Variants in CEP250 observed in about 807,000 individuals in gnomAD.
CEP250 encodes the protein centrosome-associated protein CEP250.
In CEP250, 242 loss-of-function variants were observed where a neutral mutation model predicts 315.7. That is an observed-to-expected ratio of 0.77 (90% CI 0.69 to 0.85). CEP250 has a LOEUF of 0.85. CEP250 is among the 40% of genes least tolerant of loss of function. The pLI is 0.00. For synonymous variants in CEP250, 1,088 were observed against 1,175.0 expected, an observed-to-expected ratio of 0.93 and a Z score of 1.51; for missense variants, 2,515 against 2,886.4, an observed-to-expected ratio of 0.87 and a Z score of 2.95.
rs1322585176 is a variant in CEP250, at chr20:35,507,741, G to A, written c.6640G>A (p.Glu2214Lys). The A allele has an allele frequency of 6.4e-7, 1 of 1,552,946 alleles. No homozygotes were observed. The highest frequency in any genetic ancestry group is 8.7e-7 in the Non-Finnish European group (1 of 1,147,644). The change falls in exon 31 of 35, where the codon GAA becomes AAA. Residue 2214 changes from glutamate to lysine, a missense_variant. By Grantham distance (56) the Glu-to-Lys change is moderately conservative. Coordinates refer to ENST00000397527, the MANE Select transcript of CEP250 (RefSeq NM_007186.6). The part of the protein sequence containing the change: ...RDSEQQRLQD[E>K]LELTRRALEK... ...GCTCCATACCTCCGTACCCTAGGAT[G>A]AACTGGAGCTCACCAGACGGGCTCT...
Position 35,465,831 on chromosome 20 carries a change from G to A in CEP250, c.326+6G>A. On this transcript the variant is annotated splice_donor_region_variant and intron_variant, in intron 6 of 34. Coordinates refer to ENST00000397527, the MANE Select transcript of CEP250 (RefSeq NM_007186.6). The stretch of plus-strand genomic sequence containing the variant: ...TTGGAGGAGGAGCAACAGAGGTGAT[G>A]GACCCCAAACTTTCTGACCTGGGTG... 2.5e-6 allele frequency: 4 copies of A among 1,603,546 alleles called. No homozygotes were observed. The highest frequency in any genetic ancestry group is 1.9e-4 in the Middle Eastern group (1 of 5,400).
intron 2 of CEP250, among the ~76,000 whole-genome samples, chr20:35,458,962 A>G (rs1031316174): frequency 3.0e-5 from 4 of 133,022 alleles, no homozygotes; most frequent in African/African-American, 1.2e-4. Context: ...GCTATAATGC[A>G]AATCTTTTTT....
chr20:35,503,055 G>A lies in CEP250; in HGVS notation c.4686G>A (p.Leu1562=). ...LVTLECLALE[L]EENHHKMECQ... ...CTCTGGAATGCCTGGCCCTGGAACTGGAGGAAAACCATCACAAGATGGAGT... is the reference window on the plus strand; with the variant it reads ...CTCTGGAATGCCTGGCCCTGGAACTAGAGGAAAACCATCACAAGATGGAGT... The change falls in exon 30 of 35, where the codon CTG becomes CTA. Residue 1562 remains leucine, a synonymous_variant. Coordinates refer to ENST00000397527, the MANE Select transcript of CEP250 (RefSeq NM_007186.6). This position sits in a 1 kb window ranked among gnomAD's most constrained non-coding sequence, Gnocchi z 4.2. The A allele has an allele frequency of 6.2e-7, 1 of 1,614,180 alleles. No individual in the cohort carries two copies. Among genetic ancestry groups the A allele is most frequent in the Non-Finnish European group, 8.5e-7 (1 of 1,180,046 alleles).
chr20:35,478,430 T>C (rs1161411386), intron 17 of CEP250, among the ~76,000 whole-genome samples: 1 of 152,094 alleles, frequency 6.6e-6, no homozygotes, highest in Non-Finnish European at 1.5e-5. Context: ...CCCGGCATGG[T>C]GGCACATGCC....
At chr20:35,479,878 CCT>C (rs1420006697) in intron 19 of CEP250, 96 bp from the exon 20 acceptor site, 19 of 1,594,404 alleles carry the variant, frequency 1.2e-5, no homozygotes, top group Non-Finnish European at 1.5e-5. Context: ...GGGTGCAGGG[CCT>C]CTGAGATGGG....
Position 35,467,458 on chromosome 20 carries a change from A to G in CEP250, c.754A>G (p.Lys252Glu). The G allele has an allele frequency of 6.2e-7, 1 of 1,614,176 alleles. No individual in the cohort carries two copies. Among genetic ancestry groups the G allele is most frequent in the Non-Finnish European group, 8.5e-7 (1 of 1,180,022 alleles). ...EPAQLLLLLA[K>E]TQELEKEAHE... is the part of the protein sequence containing the mutation. ...GGCCCAGCTGCTGCTGCTACTAGCC[A>G]AGACCCAGGAGCTGGAGAAGGAAGC... is the stretch of plus-strand genomic sequence containing the variant. The change falls in exon 9 of 35, where the codon AAG (lysine) becomes GAG (glutamate). Residue 252 changes from lysine to glutamate, a missense_variant. Physicochemically the swap from Lys to Glu is moderately conservative, Grantham distance 56. Transcript: ENST00000397527.
chr20:35,458,013 A>G (rs2062670256), intron 1 of CEP250, among the ~76,000 whole-genome samples: 1 of 152,252 alleles, frequency 6.6e-6, no homozygotes, highest in Non-Finnish European at 1.5e-5. Flanking sequence ...TGTTTTTTTC[A>G]GGAGTAAGAA....
intron 20 of CEP250, among the ~76,000 whole-genome samples, chr20:35,485,574 T>G (rs893737539): frequency 5.1e-5 from 7 of 138,576 alleles, no homozygotes; most frequent in Non-Finnish European, 1.1e-4. Context: ...CACTGCAGCC[T>G]CAAACTCCCA....
In CEP250 at chr20:35,469,874, A is replaced by T. The variant is rs561411362; in HGVS notation, c.852-16A>T. The T allele has an allele frequency of 6.3e-7, 1 of 1,579,396 alleles. No homozygotes were observed. The highest frequency in any genetic ancestry group is 8.7e-7 in the Non-Finnish European group (1 of 1,150,842). On this transcript the variant is annotated splice_polypyrimidine_tract_variant and intron_variant, in intron 9 of 34. Transcript: ENST00000397527. ...CATGGGCTGTTCTGGTGACAGTGCT[A>T]TGCTCTTCTCTTTAGGGTGACCGAG...
chr20:35,485,065 A>T (rs1406373122), intron 20 of CEP250, among the ~76,000 whole-genome samples: 7 of 1,528 alleles, frequency 4.6e-3, no homozygotes, highest in African/African-American at 6.7e-3. Flanking sequence ...CTATCTCTTT[A>T]AAAAAAAAAA....
At position 35,456,323 on chromosome 20, in the gene CEP250, G is replaced by A. The variant is rs1019326520; in HGVS notation, c.-298+572G>A. Among the ~76,000 whole-genome samples the A allele has an allele frequency of 3.3e-5, 5 of 152,336 alleles. No homozygotes were observed. In the East Asian group the frequency reaches 9.6e-4, roughly 29 times the overall value. On this transcript the variant is annotated intron_variant, in intron 1 of 34. Transcript: ENST00000397527. ...GCCAGGAGTCCCACAACTAATAAGT[G>A]GATGGAGCTGGGAAACTGTCCCCAG...
intron 5 of CEP250, among the ~76,000 whole-genome samples, chr20:35,464,463 C>T (rs1457169080): frequency 6.6e-6 from 1 of 152,138 alleles, no homozygotes; most frequent in Non-Finnish European, 1.5e-5. Flanking sequence ...AGATACATGC[C>T]TCAACATCTG....
chr20:35,499,237 T>C (rs1349602784), intron 27 of CEP250, among the ~76,000 whole-genome samples: 1 of 152,134 alleles, frequency 6.6e-6, no homozygotes, highest in Non-Finnish European at 1.5e-5. Flanking sequence ...ATTGTGCCAT[T>C]GCACTCCAGG....
rs1412872784 is a variant in CEP250 at position 35,473,993 on chromosome 20, G to C, written c.1512G>C (p.Gln504His). Reference sequence around the variant, plus strand: ...TTCAGCTGCAGGGGGACTCTGCCCAGGGCCAGAAGGAGGAACAGCAGGAGG... The same window carrying C: ...TTCAGCTGCAGGGGGACTCTGCCCACGGCCAGAAGGAGGAACAGCAGGAGG... ...VELQLQGDSA[Q>H]GQKEEQQEEL... is the part of the protein sequence containing the mutation. Residue 504 changes from glutamine (Q) to histidine (H), a missense_variant, in exon 14 of 35, where the codon CAG becomes CAC. Transcript: ENST00000397527. 3.7e-6 allele frequency: 6 copies of C among 1,604,106 alleles called. No homozygotes were observed. The African/African-American group carries it at 8.1e-5, about 22-fold the overall frequency.
chr20:35,500,199 G>C, intron 28 of CEP250, 30 bp downstream of exon 28: 1 of 1,611,508 alleles, frequency 6.2e-7, no homozygotes, highest in Non-Finnish European at 8.5e-7. Flanking sequence ...CAGGGAGATT[G>C]AGAGGGAGAA....
intron 30 of CEP250, among the ~76,000 whole-genome samples, chr20:35,505,319 G>A (rs1478302196): frequency 1.3e-5 from 2 of 152,178 alleles, no homozygotes; most frequent in African/African-American, 4.8e-5. Flanking sequence ...CCTTTCCTGG[G>A]AGTGGGTCCT....
At chr20:35,507,404 C>A (rs921403752) in intron 30 of CEP250, among the ~76,000 whole-genome samples, 1 of 152,172 alleles carries the variant, frequency 6.6e-6, no homozygotes, top group East Asian at 1.9e-4. Context: ...CGCCACAGGG[C>A]ACCCAGCCCT....
At position 35,502,858 on chromosome 20, in the gene CEP250, C is replaced by G. The variant is rs781299925; in HGVS notation, c.4489C>G (p.Gln1497Glu). The change falls in exon 30 of 35, where the codon CAG becomes GAG. Residue 1497 changes from glutamine to glutamate, a missense_variant. Coordinates refer to ENST00000397527, the MANE Select transcript of CEP250 (RefSeq NM_007186.6). Reference sequence around the variant, plus strand: ...TTTAGAGCATCTGCCCATGGCCGTCCAGGAGCGAGAGCAGAAGCTGACTGT... The same window carrying G: ...TTTAGAGCATCTGCCCATGGCCGTCGAGGAGCGAGAGCAGAAGCTGACTGT... ...SVLEHLPMAV[Q>E]EREQKLTVQR... is the part of the protein sequence containing the mutation. The G allele has an allele frequency of 1.2e-6, 2 of 1,614,204 alleles. No individual in the cohort carries two copies. Among genetic ancestry groups the G allele is most frequent in the East Asian group, 4.5e-5 (2 of 44,890 alleles).
rs757142708 is a variant in CEP250, at chr20:35,511,963, T to A, written c.*337T>A. The A allele has an allele frequency of 2.1e-5, 23 of 1,092,448 alleles. No individual in the cohort carries two copies. The highest frequency in any genetic ancestry group is 2.4e-5 in the Non-Finnish European group (22 of 898,878). The allele number at this position is 1,092,448 out of a possible 1,614,324, so 67.7% of individuals were successfully genotyped here. A position where few individuals can be genotyped will look rare whatever the true frequency, so the allele number is the denominator to read the frequency against. On this transcript the variant is annotated 3_prime_UTR_variant, in exon 35 of 35. Coordinates refer to ENST00000397527, the MANE Select transcript of CEP250 (RefSeq NM_007186.6). ...TCTCCTTCAACAATAAACCCTGGGA[T>A]CTTTGCATTCATTTTCTGCTGCTGT...
Sources: allele counts gnomAD v4.1 joint callset (sites outside exome capture counted in the v4.1 genomes callset), GRCh38; gene constraint gnomAD v4.1.1; non-coding constraint Gnocchi (gnomAD v3.1); transcripts MANE v1.5; gene names NCBI Gene and HGNC (gene_info 2026-07-23, HGNC 2026-07-21).